Variants in DHTKD1 observed in about 807,000 individuals in gnomAD.
DHTKD1 encodes the protein dehydrogenase E1 and transketolase domain containing 1, also known as 2-oxoadipate dehydrogenase complex component E1.
DHTKD1 carries 78 observed loss-of-function variants against 101.8 expected under a neutral mutation model. The observed-to-expected ratio is 0.77, with a 90% CI of 0.64 to 0.93. The LOEUF (loss-of-function observed/expected upper bound fraction) is 0.93. Ranked by LOEUF, DHTKD1 falls within the 40% of genes least tolerant of loss-of-function variation. The probability of loss-of-function intolerance (pLI) is 0.00; values close to 1 mark genes in which losing one functional copy is unlikely to be tolerated. For missense variants in DHTKD1, 1,223 were observed against 1,161.7 expected (o/e 1.05, Z -0.77); for synonymous variants, 462 against 450.3 (o/e 1.03, Z -0.33).
chr10:12,088,950 A>G, intron 4 of DHTKD1, 36 bp from the exon 5 acceptor site: 1 of 1,584,296 alleles, frequency 6.3e-7, no homozygotes, highest in East Asian at 2.2e-5. Flanking sequence ...ATTGTGATGA[A>G]TGCCATTTTT....
Position 12,094,285 on chromosome 10 carries a change from C to T in DHTKD1, c.1358+14C>T. The T allele has an allele frequency of 1.2e-6, 2 of 1,610,192 alleles. No individual in the cohort carries two copies. On this transcript the variant is annotated intron_variant, in intron 7 of 16. Coordinates refer to ENST00000263035, the MANE Select transcript of DHTKD1 (RefSeq NM_018706.7). ...CAAAATCATCAGGTACAATTATAAA[C>T]CCTTGTGTGATATGCCCCCTAAAAA...
intron 1 of DHTKD1, among the ~76,000 whole-genome samples, chr10:12,072,060 G>C (rs997917084): frequency 4.5e-4 from 69 of 152,238 alleles, no homozygotes; most frequent in African/African-American, 1.4e-3. Context: ...GCTCACTTCA[G>C]CGTGCGCCGG....
At chr10:12,088,046 G>C (rs1003906016) in intron 4 of DHTKD1, among the ~76,000 whole-genome samples, 3 of 151,968 alleles carry the variant, frequency 2.0e-5, no homozygotes, top group Non-Finnish European at 1.5e-5. Flanking sequence ...CCAGGAGTTT[G>C]AGGCTGCAGT....
intron 7 of DHTKD1, 86 bp downstream of exon 7, chr10:12,094,357 A>G (rs977553785): frequency 2.4e-6 from 3 of 1,266,322 alleles, no homozygotes; most frequent in Non-Finnish European, 1.1e-6. Flanking sequence ...TTGCTTTGTC[A>G]CCCAGTCTGG....
intron 1 of DHTKD1, among the ~76,000 whole-genome samples, chr10:12,078,485 A>G (rs1832767640): frequency 3.3e-5 from 5 of 151,888 alleles, no homozygotes; most frequent in Admixed American, 3.3e-4. Flanking sequence ...GGCGGCACGC[A>G]CCTGCAACCC....
Position 12,118,871 on chromosome 10 carries a change from C to T in DHTKD1, c.2525C>T (p.Pro842Leu), listed in dbSNP as rs374419452. Residue 842 changes from proline (P) to leucine (L), a missense_variant, in exon 15 of 17, where the codon CCG becomes CTG. Pro to Leu is a moderately conservative substitution (Grantham distance 98). Coordinates refer to ENST00000263035, the MANE Select transcript of DHTKD1 (RefSeq NM_018706.7). ...IIRVEELCPF[P>L]LDSLQQEMSK... Reference sequence around the variant, plus strand: ...CGAGTAGAGGAACTCTGCCCCTTCCCGTTGGATTCTTTACAGCAAGAGATG... The same window carrying T: ...CGAGTAGAGGAACTCTGCCCCTTCCTGTTGGATTCTTTACAGCAAGAGATG... 4.9e-5 allele frequency: 79 copies of T among 1,605,476 alleles called. No individual in the cohort carries two copies. Among genetic ancestry groups the T allele is most frequent in the Non-Finnish European group, 6.2e-5 (73 of 1,176,484 alleles).
At position 12,103,383 on chromosome 10, in the gene DHTKD1, C is replaced by T. The variant is rs1192626790; in HGVS notation, c.1896+2202C>T. Among the ~76,000 whole-genome samples the T allele has an allele frequency of 6.6e-6, 1 of 151,984 alleles. No individual in the cohort carries two copies. The highest frequency in any genetic ancestry group is 1.5e-5 in the Non-Finnish European group (1 of 68,028). On this transcript the variant is annotated intron_variant, in intron 10 of 16. Coordinates refer to ENST00000263035, the MANE Select transcript of DHTKD1 (RefSeq NM_018706.7). The surrounding 1 kb of genome is among the most constrained non-coding windows in gnomAD (Gnocchi z 4.8). ...TGAATTTTGTAACTGACCAGCATTC[C>T]CTTATCAATAATGGCTTCTAGGAAG...
At position 12,076,995 on chromosome 10, in the gene DHTKD1, A is replaced by AAAAAAT. The variant is rs1554790544; in HGVS notation, c.155-4477_155-4476insAAAAAT. Among the ~76,000 whole-genome samples the AAAAAAT allele has an allele frequency of 2.1e-4, 27 of 128,102 alleles. 2 individuals carry two copies. The highest frequency in any genetic ancestry group is 5.0e-3 in the Middle Eastern group (1 of 200). 84.0% of individuals were successfully genotyped at this position (128,102 alleles called of 152,430 possible). On this transcript the variant is annotated intron_variant, in intron 1 of 16. Transcript: ENST00000263035. Reference sequence around the variant, plus strand: ...TCTGATAAAAAAAAAAAAAAAAAAAAGGAAGAAAAAAGAACAAGTCGGCAA... The same window carrying AAAAAAT: ...TCTGATAAAAAAAAAAAAAAAAAAAAAAAAATGGAAGAAAAAAGAACAAGTCGGCAA...
rs559413854 is a variant in DHTKD1 at position 12,120,890 on chromosome 10, G to T, written c.*2G>T. 170 of 1,612,812 alleles carry T rather than the reference G, an allele frequency of 1.1e-4. 1 individual carries two copies. In the East Asian group the frequency reaches 2.9e-3, roughly 28 times the overall value. On this transcript the variant is annotated 3_prime_UTR_variant, in exon 17 of 17. Coordinates refer to ENST00000263035, the MANE Select transcript of DHTKD1 (RefSeq NM_018706.7). Reference sequence around the variant, plus strand: ...ATCCTCGCCAAGACCTTCGCTTGATGATGACTTTTGAAGAAACACTATTTC... The same window carrying T: ...ATCCTCGCCAAGACCTTCGCTTGATTATGACTTTTGAAGAAACACTATTTC...
chr10:12,068,959 G>C lies in DHTKD1; in HGVS notation c.-75G>C, dbSNP rs1832604638. Reference sequence around the variant, plus strand: ...GCGGGGCTCCGGCCGCCTCTGACGAGTCCCGGATTTACCAGGGCCGGTGGG... The same window carrying C: ...GCGGGGCTCCGGCCGCCTCTGACGACTCCCGGATTTACCAGGGCCGGTGGG... On this transcript the variant is annotated 5_prime_UTR_variant, in exon 1 of 17. Coordinates refer to ENST00000263035, the MANE Select transcript of DHTKD1 (RefSeq NM_018706.7). The C allele has an allele frequency of 1.5e-5, 23 of 1,568,720 alleles. No homozygotes were observed. Among genetic ancestry groups the C allele is most frequent in the Middle Eastern group, 2.0e-4 (1 of 4,902 alleles).
Position 12,084,555 on chromosome 10 carries a change from G to T in DHTKD1, c.326G>T (p.Gly109Val), listed in dbSNP as rs759872323. Reference protein sequence around the residue: ...PFHTAGLLNMGKEEASLEEVL... With the variant: ...PFHTAGLLNMVKEEASLEEVL... ...TATTTCACAGGATTATTGAACATGG[G>T]GAAGGAAGAGGCCTCACTTGAGGAA... Residue 109 changes from glycine to valine, a missense_variant, in exon 3 of 17, where the codon GGG becomes GTG. Coordinates refer to ENST00000263035, the MANE Select transcript of DHTKD1 (RefSeq NM_018706.7). The T allele has an allele frequency of 1.2e-6, 2 of 1,607,048 alleles. No homozygotes were observed. Among genetic ancestry groups the T allele is most frequent in the Admixed American group, 1.7e-5 (1 of 59,940 alleles).
chr10:12,091,642 C>A lies in DHTKD1; in HGVS notation c.1117C>A (p.Pro373Thr), dbSNP rs1273777753. Residue 373 changes from proline to threonine, a missense_variant, in exon 6 of 17, where the codon CCA (proline) becomes ACA (threonine). Transcript: ENST00000263035. ...TAATAACCAGCTGGGTTACACCACT[C>A]CAGCTGAAAGAGGAAGGTCTTCTTT... ...IVNNQLGYTT[P>T]AERGRSSLYC... 1 of 1,613,864 alleles carries A rather than the reference C, an allele frequency of 6.2e-7. No homozygotes were observed. The highest frequency in any genetic ancestry group is 8.5e-7 in the Non-Finnish European group (1 of 1,179,962).
chr10:12,078,612 A>G (rs1418186103), intron 1 of DHTKD1, among the ~76,000 whole-genome samples: 1 of 152,132 alleles, frequency 6.6e-6, no homozygotes, highest in Non-Finnish European at 1.5e-5. Context: ...CTCCGTCTCA[A>G]AAAAAAGAAA....
intron 5 of DHTKD1, among the ~76,000 whole-genome samples, chr10:12,090,617 G>A (rs1167106888): frequency 6.6e-6 from 1 of 151,952 alleles, no homozygotes; most frequent in Non-Finnish European, 1.5e-5. Context: ...CAAGTAGCTG[G>A]GCCTACAGGT....
rs373710565 is a variant in DHTKD1, at chr10:12,100,179, C to T, written c.1673C>T (p.Ser558Phe). 8.2e-6 allele frequency: 13 copies of T among 1,578,366 alleles called. No individual in the cohort carries two copies. Among genetic ancestry groups the T allele is most frequent in the Middle Eastern group, 1.7e-4 (1 of 5,958 alleles). Residue 558 changes from serine (S) to phenylalanine (F), a missense_variant and splice_region_variant, in exon 9 of 17, where the codon TCC becomes TTC. Ser to Phe is a radical substitution (Grantham distance 155, BLOSUM62 -2). Coordinates refer to ENST00000263035, the MANE Select transcript of DHTKD1 (RefSeq NM_018706.7). ...TTTTTCTTCCTCTGAATTTTACAGT[C>T]CAGAATGGAGAAGATGATGGACGGA... ...HSHLLKTHVQSRMEKMMDGIK... is the reference protein window; with the variant it reads ...HSHLLKTHVQFRMEKMMDGIK...
rs1564385024 is a variant in DHTKD1 at position 12,068,970 on chromosome 10, A to T, written c.-64A>T. On this transcript the variant is annotated 5_prime_UTR_variant, in exon 1 of 17. Coordinates refer to ENST00000263035, the MANE Select transcript of DHTKD1 (RefSeq NM_018706.7). ...GCCGCCTCTGACGAGTCCCGGATTTACCAGGGCCGGTGGGATCCCCTCGGG... is the reference window on the plus strand; with the variant it reads ...GCCGCCTCTGACGAGTCCCGGATTTTCCAGGGCCGGTGGGATCCCCTCGGG... 4 of 1,593,562 alleles carry T rather than the reference A, an allele frequency of 2.5e-6. No homozygotes were observed. Among genetic ancestry groups the T allele is most frequent in the Non-Finnish European group, 2.6e-6 (3 of 1,169,078 alleles).
At chr10:12,108,513 C>T (rs977684026) in intron 12 of DHTKD1, among the ~76,000 whole-genome samples, 6 of 152,116 alleles carry the variant, frequency 3.9e-5, no homozygotes, top group African/African-American at 1.4e-4. Context: ...CTCCTGGCCT[C>T]AAGTGATCTA....
intron 1 of DHTKD1, among the ~76,000 whole-genome samples, chr10:12,073,560 A>G (rs1832680228): frequency 6.6e-6 from 1 of 152,144 alleles, no homozygotes; most frequent in Non-Finnish European, 1.5e-5. Context: ...TGGCCAGGCT[A>G]GTCTTGAACT....
At chr10:12,119,634 A>G (rs1248519635) in intron 15 of DHTKD1, among the ~76,000 whole-genome samples, 8 of 141,652 alleles carry the variant, frequency 5.6e-5, no homozygotes, top group Non-Finnish European at 7.8e-5. Flanking sequence ...AAAAAAAAAA[A>G]AGAAAGAAAA....
Sources: allele counts gnomAD v4.1 joint callset (sites outside exome capture counted in the v4.1 genomes callset), GRCh38; gene constraint gnomAD v4.1.1; non-coding constraint Gnocchi (gnomAD v3.1); transcripts MANE v1.5; gene names NCBI Gene and HGNC (gene_info 2026-07-23, HGNC 2026-07-21).